The following KAZN variants were observed in gnomAD, a reference collection of about 807,000 sequenced individuals.
KAZN encodes kazrin.
Under a neutral mutation model 87.4 loss-of-function variants are expected in KAZN, and 40 were observed. That is an observed-to-expected ratio of 0.46 (90% CI 0.36 to 0.60). The LOEUF (loss-of-function observed/expected upper bound fraction) is 0.60, where lower values mean the gene tolerates loss of function less well. Among genes scored for constraint, KAZN ranks in the 20% least tolerant of loss-of-function variants. The pLI is 0.00. For missense variants in KAZN, 898 were observed against 1,073.9 expected (o/e 0.84, Z 2.29); for synonymous variants, 466 against 458.3 (o/e 1.02, Z -0.22).
intron 2 of KAZN, among the ~76,000 whole-genome samples, chr1:14,546,139 C>A (rs1010523582): frequency 1.3e-5 from 2 of 152,204 alleles, no homozygotes; most frequent in Non-Finnish European, 2.9e-5. Flanking sequence ...GAAATCAGTT[C>A]TCTACCCTAC....
chr1:14,567,528 G>A (rs538449935), intron 2 of KAZN, among the ~76,000 whole-genome samples: 1 of 152,172 alleles, frequency 6.6e-6, no homozygotes, highest in Non-Finnish European at 1.5e-5. Context: ...CCTTGAACTT[G>A]TAAAAATATG....
At chr1:15,034,432 C>T (rs1363390853) in intron 2 of KAZN, among the ~76,000 whole-genome samples, 1 of 152,182 alleles carries the variant, frequency 6.6e-6, no homozygotes, top group Non-Finnish European at 1.5e-5. Context: ...CCCCTGGAGC[C>T]CACCAGGCCT....
At chr1:14,380,428 A>G (rs1661270005) in intron 2 of KAZN, among the ~76,000 whole-genome samples, 1 of 152,256 alleles carries the variant, frequency 6.6e-6, no homozygotes, top group Admixed American at 6.5e-5. Flanking sequence ...CCAAGAATTC[A>G]AAAGTGCTGT....
intron 2 of KAZN, among the ~76,000 whole-genome samples, chr1:14,367,405 C>T (rs1207557360): frequency 2.0e-5 from 3 of 152,140 alleles, no homozygotes; most frequent in Admixed American, 6.5e-5. Flanking sequence ...TAGCCTCCAA[C>T]GTCCAGCTGC....
At chr1:14,629,208 AT>A (rs766765450) in intron 1 of KAZN, among the ~76,000 whole-genome samples, 6 of 152,174 alleles carry the variant, frequency 3.9e-5, no homozygotes, top group Non-Finnish European at 8.8e-5. Context: ...GGAGTGTCTT[AT>A]GGATAACGAG....
chr1:15,037,433 G>T (rs891221489), intron 3 of KAZN, among the ~76,000 whole-genome samples: 1 of 152,124 alleles, frequency 6.6e-6, no homozygotes. Context: ...TCGCTATGGG[G>T]GTGGCTCGGG....
chr1:14,039,503 C>T (rs1394855965), intron 1 of KAZN, among the ~76,000 whole-genome samples: 1 of 152,164 alleles, frequency 6.6e-6, no homozygotes, highest in African/African-American at 2.4e-5. Flanking sequence ...CCACATGAGT[C>T]GGCAGTGGGC....
chr1:14,998,616 T>A (rs948501200), intron 2 of KAZN, among the ~76,000 whole-genome samples: 2 of 152,182 alleles, frequency 1.3e-5, no homozygotes, highest in Admixed American at 6.5e-5. Context: ...TGGTGCCATC[T>A]CAGCTCACGG....
In KAZN at chr1:14,251,643, C is replaced by CTTTTTTTTTTTTTTTTTTTTTTTTTTT. The variant is rs549092023; in HGVS notation, c.249+71076_249+71077insTTTTTTTTTTTTTTTTTTTTTTTTTTT. The stretch of plus-strand genomic sequence containing the variant: ...AGGCACAGTGAAAAGTTCTCCCGGA[C>CTTTTTTTTTTTTTTTTTTTTTTTTTTT]TTTTTTTTTTTTTTTTTTTTTTTTT... On this transcript the variant is annotated intron_variant, in intron 2 of 16. Transcript: ENST00000636203. Among the ~76,000 whole-genome samples, 2 of 90,370 alleles carry CTTTTTTTTTTTTTTTTTTTTTTTTTTT rather than the reference C, an allele frequency of 2.2e-5. 1 individual carries two copies. Among genetic ancestry groups the CTTTTTTTTTTTTTTTTTTTTTTTTTTT allele is most frequent in the African/African-American group, 1.2e-4 (2 of 17,078 alleles). The allele number at this position is 90,370 out of a possible 152,430, so 59.3% of individuals were successfully genotyped here. A position where few individuals can be genotyped will look rare whatever the true frequency, so the allele number is the denominator to read the frequency against.
At chr1:14,743,598 A>G (rs1314829566) in intron 1 of KAZN, among the ~76,000 whole-genome samples, 6 of 152,152 alleles carry the variant, frequency 3.9e-5, no homozygotes, top group African/African-American at 1.4e-4. Flanking sequence ...GATGAGTCAT[A>G]TAGGTCATCG....
intron 2 of KAZN, among the ~76,000 whole-genome samples, chr1:14,571,587 G>A (rs1432513636): frequency 6.6e-6 from 1 of 152,084 alleles, no homozygotes; most frequent in Non-Finnish European, 1.5e-5. Context: ...CTGGCAAATT[G>A]GTCAGAGGCT....
chr1:15,079,510 G>A (rs1268463150), intron 8 of KAZN, among the ~76,000 whole-genome samples: 1 of 152,084 alleles, frequency 6.6e-6, no homozygotes. Flanking sequence ...TGTGAAAGTG[G>A]GGTTGGGGCA....
At chr1:14,795,475 A>G (rs1203377773) in intron 1 of KAZN, among the ~76,000 whole-genome samples, 4 of 152,084 alleles carry the variant, frequency 2.6e-5, no homozygotes, top group Non-Finnish European at 4.4e-5. Flanking sequence ...TACTGTGGAG[A>G]TGGATTTAAG....
At chr1:14,301,394 G>A (rs371142642) in intron 2 of KAZN, among the ~76,000 whole-genome samples, 22 of 152,178 alleles carry the variant, frequency 1.4e-4, no homozygotes, top group Admixed American at 3.9e-4. Flanking sequence ...CAGTCCCATC[G>A]GCTGGGGAAA....
intron 2 of KAZN, among the ~76,000 whole-genome samples, chr1:14,422,727 T>C (rs999983845): frequency 6.6e-6 from 1 of 152,352 alleles, no homozygotes; most frequent in East Asian, 1.9e-4. Flanking sequence ...TAAACTTCTC[T>C]TTTGTGGTCC....
At chr1:14,365,607 G>C (rs550980275) in intron 2 of KAZN, among the ~76,000 whole-genome samples, 2 of 152,218 alleles carry the variant, frequency 1.3e-5, no homozygotes, top group East Asian at 3.9e-4. Context: ...GTAATTCCTT[G>C]TGGTGGGGAC....
intron 1 of KAZN, among the ~76,000 whole-genome samples, chr1:14,757,478 C>T (rs1644602181): frequency 6.6e-6 from 1 of 152,216 alleles, no homozygotes; most frequent in South Asian, 2.1e-4. Context: ...GCGATTTAGT[C>T]AACCCTTCTG....
intron 2 of KAZN, among the ~76,000 whole-genome samples, chr1:14,989,984 T>C (rs1050524078): frequency 6.6e-5 from 10 of 152,162 alleles, no homozygotes; most frequent in African/African-American, 2.4e-4. Context: ...TCTGTCTTGT[T>C]TGATACAGCA....
At chr1:15,046,068 A>G (rs1017966904) in intron 4 of KAZN, among the ~76,000 whole-genome samples, 1 of 152,128 alleles carries the variant, frequency 6.6e-6, no homozygotes, top group African/African-American at 2.4e-5. Flanking sequence ...GAGACCGAGG[A>G]GGGTGGATCA....
Sources: gnomAD v4.1 joint callset for allele counts (sites outside exome capture counted in the v4.1 genomes callset) on GRCh38, gnomAD v4.1.1 for gene constraint, MANE v1.5 for transcripts, NCBI Gene and HGNC (gene_info 2026-07-23, HGNC 2026-07-21) for gene names.